The following CCDC91 variants were observed in gnomAD, a reference collection of about 807,000 sequenced individuals.
CCDC91 encodes coiled-coil domain containing 91.
CCDC91 carries 48 observed loss-of-function variants against 63.2 expected under a neutral mutation model. That is an observed-to-expected ratio of 0.76 (90% CI 0.60 to 0.97). The LOEUF (loss-of-function observed/expected upper bound fraction) is 0.97, where lower values mean the gene tolerates loss of function less well. CCDC91 is among the 50% of genes least tolerant of loss of function. CCDC91 has a pLI of 0.00. For missense variants in CCDC91, 500 were observed against 494.6 expected, an observed-to-expected ratio of 1.01 and a Z score of -0.10; for synonymous variants, 167 against 165.8, an observed-to-expected ratio of 1.01 and a Z score of -0.06.
At chr12:28,467,391 A>C (rs1950598932) in intron 11 of CCDC91, among the ~76,000 whole-genome samples, 1 of 152,108 alleles carries the variant, frequency 6.6e-6, no homozygotes, top group Admixed American at 6.5e-5. Flanking sequence ...AAAAGGAATC[A>C]ATTAAGCAAA....
intron 1 of CCDC91, among the ~76,000 whole-genome samples, chr12:28,202,038 T>C (rs1337173711): frequency 1.3e-5 from 2 of 152,194 alleles, no homozygotes; most frequent in Admixed American, 6.5e-5. Context: ...GGGTTTTCTA[T>C]GTTTCTTCTC....
chr12:28,472,014 G>A lies in CCDC91; in HGVS notation c.1102-12038G>A, dbSNP rs1438896069. On this transcript the variant is annotated intron_variant, in intron 11 of 12. Transcript: ENST00000536442. ...GATCAGCCCGCTTCATCCTCCCAAA[G>A]TTCTGGGATTACAGGCATGAGCCAC... is the stretch of plus-strand genomic sequence containing the variant. 2.6e-5 allele frequency among the ~76,000 whole-genome samples: 4 copies of A among 152,098 alleles called. No homozygotes were observed. In the South Asian group the frequency reaches 8.3e-4, roughly 32 times the overall value.
At chr12:28,546,624 A>T (rs966987832) in intron 12 of CCDC91, among the ~76,000 whole-genome samples, 9 of 152,132 alleles carry the variant, frequency 5.9e-5, no homozygotes, top group African/African-American at 2.2e-4. Context: ...TTACAGCCTT[A>T]ATTATAATAG....
chr12:28,364,081 G>A (rs1222147495), intron 7 of CCDC91, among the ~76,000 whole-genome samples: 2 of 151,524 alleles, frequency 1.3e-5, no homozygotes, highest in African/African-American at 2.4e-5. Context: ...TGTTAAAAAG[G>A]TCATTAAAAA....
At chr12:28,250,260 G>T (rs1173658182) in intron 1 of CCDC91, among the ~76,000 whole-genome samples, 1 of 152,120 alleles carries the variant, frequency 6.6e-6, no homozygotes, top group African/African-American at 2.4e-5. Flanking sequence ...GATAACAGAT[G>T]AAAATTATAA....
chr12:28,506,854 C>G (rs908157193), intron 12 of CCDC91, among the ~76,000 whole-genome samples: 4 of 149,024 alleles, frequency 2.7e-5, no homozygotes, highest in African/African-American at 9.9e-5. Context: ...ATCTGTCCTT[C>G]AGGGGTAAAA....
At chr12:28,432,990 A>C (rs996368806) in intron 8 of CCDC91, among the ~76,000 whole-genome samples, 12 of 152,022 alleles carry the variant, frequency 7.9e-5, no homozygotes, top group Admixed American at 7.9e-4. Context: ...ACATCTTTTC[A>C]TATGCTTATT....
intron 1 of CCDC91, among the ~76,000 whole-genome samples, chr12:28,224,538 T>G (rs1944153382): frequency 6.6e-6 from 1 of 152,196 alleles, no homozygotes; most frequent in Non-Finnish European, 1.5e-5. Flanking sequence ...TTCATCTTCT[T>G]CCTCATTTAG....
At chr12:28,356,425 T>G (rs1455123454) in intron 6 of CCDC91, among the ~76,000 whole-genome samples, 1 of 152,182 alleles carries the variant, frequency 6.6e-6, no homozygotes, top group African/African-American at 2.4e-5. Flanking sequence ...TTAGATGTGT[T>G]GGATTTTTCA....
chr12:28,438,609 C>T (rs370456984), intron 8 of CCDC91, among the ~76,000 whole-genome samples: 52 of 152,112 alleles, frequency 3.4e-4, no homozygotes, highest in African/African-American at 1.2e-3. Context: ...CATTTGAAGG[C>T]AACTGTTAGG....
intron 8 of CCDC91, among the ~76,000 whole-genome samples, chr12:28,400,340 ACACCCCCACCCC>A (rs1344784278): frequency 7.1e-6 from 1 of 140,732 alleles, no homozygotes. Flanking sequence ...AGGTCTCTCC[ACACCCCCACCCC>A]CACCCCCACC....
chr12:28,252,977 C>T (rs1946222749), intron 1 of CCDC91, among the ~76,000 whole-genome samples: 1 of 152,130 alleles, frequency 6.6e-6, no homozygotes, highest in African/African-American at 2.4e-5. Context: ...AACTGAGGCA[C>T]ACAATGTTTT....
intron 6 of CCDC91, among the ~76,000 whole-genome samples, chr12:28,324,052 A>G (rs1309553676): frequency 6.6e-6 from 1 of 151,918 alleles, no homozygotes; most frequent in Admixed American, 6.6e-5. Flanking sequence ...GGGAGATGAG[A>G]TGGAGTTAGA....
At chr12:28,515,138 T>G (rs1442567570) in intron 12 of CCDC91, among the ~76,000 whole-genome samples, 1 of 151,852 alleles carries the variant, frequency 6.6e-6, no homozygotes, top group Admixed American at 6.6e-5. Flanking sequence ...TGTGTTTTTT[T>G]TCCCCCAACT....
chr12:28,369,904 G>A (rs1372240506), intron 7 of CCDC91, among the ~76,000 whole-genome samples: 2 of 152,170 alleles, frequency 1.3e-5, no homozygotes, highest in African/African-American at 2.4e-5. Flanking sequence ...GGGACAGTGT[G>A]CCATGTCCAG....
chr12:28,343,798 T>A (rs548040538), intron 6 of CCDC91, among the ~76,000 whole-genome samples: 3 of 152,288 alleles, frequency 2.0e-5, no homozygotes, highest in Admixed American at 1.3e-4. Context: ...CATCTGACCT[T>A]TTGGTACACT....
intron 1 of CCDC91, among the ~76,000 whole-genome samples, chr12:28,193,143 G>C (rs1178674633): frequency 6.6e-6 from 1 of 152,198 alleles, no homozygotes; most frequent in Non-Finnish European, 1.5e-5. Context: ...TTCGCCATTT[G>C]ATGAACAATT....
At chr12:28,325,177 A>C (rs1429205625) in intron 6 of CCDC91, among the ~76,000 whole-genome samples, 1 of 152,050 alleles carries the variant, frequency 6.6e-6, no homozygotes, top group African/African-American at 2.4e-5. Context: ...ACATAAAAGT[A>C]ATTGAATGTA....
At chr12:28,415,659 T>C (rs945256052) in intron 8 of CCDC91, among the ~76,000 whole-genome samples, 2 of 79,732 alleles carry the variant, frequency 2.5e-5, no homozygotes, top group Non-Finnish European at 4.8e-5. Context: ...AATAAAGATA[T>C]ATATTTGTGT....
Sources: allele counts gnomAD v4.1 joint callset (sites outside exome capture counted in the v4.1 genomes callset), GRCh38; gene constraint gnomAD v4.1.1; transcripts MANE v1.5; gene names NCBI Gene and HGNC (gene_info 2026-07-23, HGNC 2026-07-21).